The following KIF13B variants were observed in gnomAD, a reference collection of about 807,000 sequenced individuals.
KIF13B encodes the protein kinesin family member 13B, also known as kinesin-like protein KIF13B.
Under a neutral mutation model 222.0 loss-of-function variants are expected in KIF13B, and 127 were observed. That is an observed-to-expected ratio of 0.57 (90% CI 0.50 to 0.66). The LOEUF (loss-of-function observed/expected upper bound fraction) is 0.66. Among genes scored for constraint, KIF13B ranks in the 30% least tolerant of loss-of-function variants. The pLI is 0.00. For missense variants in KIF13B, 2,173 were observed against 2,379.0 expected (o/e 0.91, Z 1.80); for synonymous variants, 976 against 919.0 (o/e 1.06, Z -1.12).
chr8:29,247,126 C>T (rs1001395164), intron 1 of KIF13B, among the ~76,000 whole-genome samples: 1 of 152,034 alleles, frequency 6.6e-6, no homozygotes, highest in Non-Finnish European at 1.5e-5. Context: ...GGCTCATGCC[C>T]GTAATCCCAG....
intron 26 of KIF13B, 137 bp downstream of exon 26, chr8:29,126,345 C>A: frequency 4.7e-6 from 3 of 638,790 alleles, no homozygotes; most frequent in Non-Finnish European, 8.4e-6. Flanking sequence ...GTTCCCTACT[C>A]TGTTTTACTT....
At chr8:29,140,835 G>C in intron 19 of KIF13B, 1 of 462,444 alleles carries the variant, frequency 2.2e-6, no homozygotes, top group Non-Finnish European at 3.8e-6. Context: ...ATGGAGGTGA[G>C]CATCCTCCAC....
At chr8:29,221,928 A>G (rs538778336) in intron 2 of KIF13B, among the ~76,000 whole-genome samples, 163 of 152,284 alleles carry the variant, frequency 1.1e-3, no homozygotes, top group African/African-American at 3.7e-3. Flanking sequence ...CTCTTCTTGA[A>G]TAGTCGGTAG....
intron 14 of KIF13B, among the ~76,000 whole-genome samples, chr8:29,150,627 C>T (rs1380276966): frequency 6.6e-6 from 1 of 152,176 alleles, no homozygotes; most frequent in East Asian, 1.9e-4. Flanking sequence ...GCAGATATCA[C>T]ATTTTTTACA....
At chr8:29,160,307 T>C (rs1811719070) in intron 13 of KIF13B, among the ~76,000 whole-genome samples, 1 of 152,238 alleles carries the variant, frequency 6.6e-6, no homozygotes, top group South Asian at 2.1e-4. Context: ...GAAACATAAA[T>C]TTCATACCAA....
intron 21 of KIF13B, among the ~76,000 whole-genome samples, chr8:29,139,720 A>C (rs1810721869): frequency 6.6e-6 from 1 of 151,948 alleles, no homozygotes; most frequent in Non-Finnish European, 1.5e-5. Context: ...CCTCCTTCTC[A>C]CTTGTACATT....
intron 14 of KIF13B, among the ~76,000 whole-genome samples, chr8:29,151,925 T>G (rs1414131990): frequency 6.6e-6 from 1 of 152,198 alleles, no homozygotes; most frequent in Non-Finnish European, 1.5e-5. Context: ...CTTGGCAAAG[T>G]AAGTTAAAAA....
chr8:29,150,064 T>C (rs1811230616), intron 15 of KIF13B, among the ~76,000 whole-genome samples: 1 of 152,198 alleles, frequency 6.6e-6, no homozygotes, highest in Non-Finnish European at 1.5e-5. Flanking sequence ...AGGGAAAAAC[T>C]ATGTAGGTAA....
chr8:29,085,896 A>G (rs1808032518), intron 37 of KIF13B, among the ~76,000 whole-genome samples: 2 of 148,082 alleles, frequency 1.4e-5, no homozygotes, highest in South Asian at 2.1e-4. Flanking sequence ...TCTATAAACC[A>G]TTTTCCCACT....
At chr8:29,117,964 C>T (rs1809679362) in intron 30 of KIF13B, among the ~76,000 whole-genome samples, 1 of 151,902 alleles carries the variant, frequency 6.6e-6, no homozygotes, top group African/African-American at 2.4e-5. Context: ...TTGAGACCAG[C>T]CTGACCAACA....
chr8:29,143,585 C>T (rs565514778), intron 18 of KIF13B, among the ~76,000 whole-genome samples: 5 of 152,284 alleles, frequency 3.3e-5, no homozygotes, highest in African/African-American at 4.8e-5. Flanking sequence ...TGGTGGCTCA[C>T]GCCTGTAATC....
chr8:29,104,887 G>C (rs899885253), intron 35 of KIF13B, among the ~76,000 whole-genome samples: 1 of 151,956 alleles, frequency 6.6e-6, no homozygotes, highest in Non-Finnish European at 1.5e-5. Flanking sequence ...TGGGACTACA[G>C]GTGCCCACCA....
Position 29,071,903 on chromosome 8 carries a change from C to T in KIF13B, c.4935G>A (p.Pro1645=), listed in dbSNP as rs1368571483. The T allele has an allele frequency of 2.1e-6, 3 of 1,460,746 alleles. No individual in the cohort carries two copies. The highest frequency in any genetic ancestry group is 2.7e-5 in the South Asian group (2 of 74,366). The allele number at this position is 1,460,746 out of a possible 1,614,324, so 90.5% of individuals were successfully genotyped here. A position where few individuals can be genotyped will look rare whatever the true frequency, so the allele number is the denominator to read the frequency against. The change falls in exon 39 of 40, where the codon CCG becomes CCA. Residue 1645 remains proline, a synonymous_variant. Transcript: ENST00000524189. This position sits in a 1 kb window ranked among gnomAD's most constrained non-coding sequence, Gnocchi z 4.9. ...PDLEAPAPGS[P]FRVRRVRASE... is the part of the protein sequence containing the mutation. ...AGGCCCGCACCCTCCGGACGCGGAA[C>T]GGGGAGCCGGGCGCCGGGGCCTCGA...
Position 29,143,097 on chromosome 8 carries a change from C to T in KIF13B, c.2188-794G>A, listed in dbSNP as rs56292104. On this transcript the variant is annotated intron_variant, in intron 18 of 39. Coordinates refer to ENST00000524189, the MANE Select transcript of KIF13B (RefSeq NM_015254.4). Reference sequence around the variant, plus strand: ...TGGAACTCCTGGCCTCAAGTGATCCCCCTGCTTCAGCCTCCCAAAGCACAG... The same window carrying T: ...TGGAACTCCTGGCCTCAAGTGATCCTCCTGCTTCAGCCTCCCAAAGCACAG... Among the ~76,000 whole-genome samples the T allele has an allele frequency of 2.0e-5, 3 of 152,176 alleles. 1 individual carries two copies. In the South Asian group the frequency reaches 6.2e-4, roughly 32 times the overall value.
chr8:29,141,597 C>T (rs780695821), intron 19 of KIF13B, among the ~76,000 whole-genome samples: 7 of 152,156 alleles, frequency 4.6e-5, no homozygotes, highest in Non-Finnish European at 1.0e-4. Context: ...ATAATATGCA[C>T]TTCTATTTTA....
chr8:29,253,478 C>T (rs1003114230), intron 1 of KIF13B, among the ~76,000 whole-genome samples: 1 of 152,014 alleles, frequency 6.6e-6, no homozygotes, highest in South Asian at 2.1e-4. Flanking sequence ...ACATCTTGAG[C>T]CCAGGAGGTC....
chr8:29,216,024 G>A (rs957902692), intron 2 of KIF13B, among the ~76,000 whole-genome samples: 2 of 152,186 alleles, frequency 1.3e-5, no homozygotes, highest in Non-Finnish European at 2.9e-5. Flanking sequence ...TCCCAGCGGA[G>A]ATGAAGGGAG....
rs1809179503 is a variant in KIF13B at position 29,108,121 on chromosome 8, AAT to A, written c.4215+16_4215+17del. On this transcript the variant is annotated intron_variant, in intron 35 of 39. Coordinates refer to ENST00000524189, the MANE Select transcript of KIF13B (RefSeq NM_015254.4). ...AAATGGGACTTAAAACACTGATAGA[AAT>A]AGTTAAAACACCTACCTTGTTGCTG... 1 of 1,599,246 alleles carries A rather than the reference AAT, an allele frequency of 6.3e-7. No homozygotes were observed. Among genetic ancestry groups the A allele is most frequent in the East Asian group, 2.2e-5 (1 of 44,774 alleles).
intron 2 of KIF13B, among the ~76,000 whole-genome samples, chr8:29,197,897 C>A (rs1813512300): frequency 6.6e-6 from 1 of 152,142 alleles, no homozygotes; most frequent in African/African-American, 2.4e-5. Flanking sequence ...ACTTTTGAAA[C>A]TGGAATAAAA....
Sources: gnomAD v4.1 joint callset for allele counts (sites outside exome capture counted in the v4.1 genomes callset) on GRCh38, gnomAD v4.1.1 for gene constraint, Gnocchi (gnomAD v3.1) non-coding constraint, MANE v1.5 for transcripts, NCBI Gene and HGNC (gene_info 2026-07-23, HGNC 2026-07-21) for gene names.